The following CACNA2D3 variants were observed in gnomAD, a reference collection of about 807,000 sequenced individuals.
The protein encoded by CACNA2D3 is calcium voltage-gated channel auxiliary subunit alpha2delta 3, also known as voltage-dependent calcium channel subunit alpha-2/delta-3.
In CACNA2D3, 60 loss-of-function variants were observed where a neutral mutation model predicts 160.6. The observed-to-expected ratio is 0.37, with a 90% CI of 0.30 to 0.46. The LOEUF (loss-of-function observed/expected upper bound fraction) is 0.46. Ranked by LOEUF, CACNA2D3 falls within the 20% of genes least tolerant of loss-of-function variation. CACNA2D3 has a pLI of 1.00. For missense variants in CACNA2D3, 1,205 were observed against 1,365.0 expected, an observed-to-expected ratio of 0.88 and a Z score of 1.85; for synonymous variants, 558 against 492.9, an observed-to-expected ratio of 1.13 and a Z score of -1.75.
intron 2 of CACNA2D3, among the ~76,000 whole-genome samples, chr3:54,188,008 G>C (rs913420423): frequency 3.3e-5 from 5 of 152,056 alleles, no homozygotes; most frequent in Admixed American, 1.3e-4. Context: ...TTATCAAAGA[G>C]AGTCGAACTC....
intron 5 of CACNA2D3, among the ~76,000 whole-genome samples, chr3:54,544,896 G>T (rs1365250740): frequency 6.6e-6 from 1 of 152,144 alleles, no homozygotes; most frequent in Non-Finnish European, 1.5e-5. Flanking sequence ...AAACCAAGCT[G>T]TTTAAAAATA....
intron 13 of CACNA2D3, among the ~76,000 whole-genome samples, chr3:54,795,915 A>G (rs1702857459): frequency 6.6e-6 from 1 of 152,244 alleles, no homozygotes. Flanking sequence ...TTTCAAAATC[A>G]TAGGAACATG....
At position 54,918,661 on chromosome 3, in the gene CACNA2D3, G is replaced by A. The variant is rs138683728; in HGVS notation, c.2449+18793G>A. 8.6e-5 allele frequency: 139 copies of A among 1,614,146 alleles called. No individual in the cohort carries two copies. In the African/African-American group the frequency reaches 1.5e-3, roughly 18 times the overall value. On this transcript the variant is annotated intron_variant, in intron 27 of 37. Coordinates refer to ENST00000474759, the MANE Select transcript of CACNA2D3 (RefSeq NM_018398.3). ...GGCAATGGCATGACGCAGGTTGGCCGGCCTTGGCTTGGGTTTGAGCTCGCA... is the reference window on the plus strand; with the variant it reads ...GGCAATGGCATGACGCAGGTTGGCCAGCCTTGGCTTGGGTTTGAGCTCGCA...
chr3:54,687,436 C>G (rs1700487594), intron 11 of CACNA2D3, among the ~76,000 whole-genome samples: 1 of 151,806 alleles, frequency 6.6e-6, no homozygotes, highest in Non-Finnish European at 1.5e-5. Context: ...AGGCATGAGC[C>G]ACCATGCCCG....
At chr3:54,495,655 A>C (rs1701191868) in intron 4 of CACNA2D3, among the ~76,000 whole-genome samples, 1 of 152,190 alleles carries the variant, frequency 6.6e-6, no homozygotes, top group African/African-American at 2.4e-5. Flanking sequence ...AGGCTGAAGC[A>C]GGAGGATCAC....
intron 4 of CACNA2D3, among the ~76,000 whole-genome samples, chr3:54,490,768 G>T (rs762251859): frequency 6.6e-6 from 1 of 152,140 alleles, no homozygotes; most frequent in African/African-American, 2.4e-5. Context: ...CAAAGAACCC[G>T]CCAGTTTCCC....
At chr3:54,782,086 A>G (rs750407244) in intron 13 of CACNA2D3, among the ~76,000 whole-genome samples, 12 of 152,222 alleles carry the variant, frequency 7.9e-5, no homozygotes, top group Non-Finnish European at 1.3e-4. Context: ...TCTAATATCC[A>G]TTGTGGTAAT....
At chr3:54,377,265 T>C (rs1300923063) in intron 3 of CACNA2D3, among the ~76,000 whole-genome samples, 1 of 152,202 alleles carries the variant, frequency 6.6e-6, no homozygotes, top group Non-Finnish European at 1.5e-5. Flanking sequence ...GAAAGAGTGG[T>C]GGATTCTGAA....
At chr3:54,838,523 C>A in intron 15 of CACNA2D3, 45 bp from the exon 16 acceptor site, 1 of 1,464,176 alleles carries the variant, frequency 6.8e-7, no homozygotes, top group Non-Finnish European at 9.6e-7. Flanking sequence ...TTTCTTTTGC[C>A]AAGTTAACTT....
At chr3:54,122,915 G>C (rs1386752505) in intron 1 of CACNA2D3, 80 bp downstream of exon 1, 1 of 1,161,722 alleles carries the variant, frequency 8.6e-7, no homozygotes, top group African/African-American at 1.6e-5. Flanking sequence ...GGCGCCTGCA[G>C]GTGCGGCTGG....
intron 2 of CACNA2D3, among the ~76,000 whole-genome samples, chr3:54,258,785 A>G (rs1702348871): frequency 6.6e-6 from 1 of 152,192 alleles, no homozygotes; most frequent in South Asian, 2.1e-4. Context: ...GAACACTTTC[A>G]TAACACCTGA....
chr3:54,512,450 G>A (rs1246828992), intron 5 of CACNA2D3, among the ~76,000 whole-genome samples: 1 of 152,166 alleles, frequency 6.6e-6, no homozygotes, highest in African/African-American at 2.4e-5. Flanking sequence ...TGATGATAGT[G>A]ACACCGGGTC....
At chr3:54,230,470 T>C (rs1701748770) in intron 2 of CACNA2D3, among the ~76,000 whole-genome samples, 1 of 152,194 alleles carries the variant, frequency 6.6e-6, no homozygotes, top group Non-Finnish European at 1.5e-5. Flanking sequence ...GGCATAATAA[T>C]TTCTGTAGAT....
intron 29 of CACNA2D3, among the ~76,000 whole-genome samples, chr3:54,979,585 G>T (rs1702463265): frequency 6.6e-6 from 1 of 152,134 alleles, no homozygotes; most frequent in South Asian, 2.1e-4. Context: ...AAACAAAAAG[G>T]ATCAGCAATG....
chr3:54,587,496 G>T (rs183220726), intron 9 of CACNA2D3, among the ~76,000 whole-genome samples: 237 of 152,200 alleles, frequency 1.6e-3, no homozygotes, highest in Non-Finnish European at 2.5e-3. Context: ...GGCAGAGATT[G>T]CAGTAAGCTG....
At chr3:54,879,167 G>T in intron 19 of CACNA2D3, 78 bp downstream of exon 19, 1 of 999,446 alleles carries the variant, frequency 1.0e-6, no homozygotes. Flanking sequence ...AGCTATATCT[G>T]GAATAAATAT....
chr3:54,798,461 G>A (rs1247034119), intron 13 of CACNA2D3, among the ~76,000 whole-genome samples: 1 of 152,072 alleles, frequency 6.6e-6, no homozygotes, highest in Non-Finnish European at 1.5e-5. Flanking sequence ...GCTTGAACCC[G>A]AGAGGCAGAG....
At chr3:54,758,733 G>T (rs1218940876) in intron 12 of CACNA2D3, among the ~76,000 whole-genome samples, 1 of 152,042 alleles carries the variant, frequency 6.6e-6, no homozygotes, top group East Asian at 1.9e-4. Flanking sequence ...TCTTACCTCG[G>T]CACCCTCTGG....
chr3:54,216,404 G>A (rs762182359), intron 2 of CACNA2D3, among the ~76,000 whole-genome samples: 1 of 152,146 alleles, frequency 6.6e-6, no homozygotes, highest in Non-Finnish European at 1.5e-5. Flanking sequence ...ATAAACAGAA[G>A]CCAATACTTG....
Sources: gnomAD v4.1 joint callset for allele counts (sites outside exome capture counted in the v4.1 genomes callset) on GRCh38, gnomAD v4.1.1 for gene constraint, MANE v1.5 for transcripts, NCBI Gene and HGNC (gene_info 2026-07-23, HGNC 2026-07-21) for gene names.